The following NEGR1 variants were observed in gnomAD, a reference collection of about 807,000 sequenced individuals.
NEGR1 encodes IgLON family member 4.
Under a neutral mutation model 40.9 loss-of-function variants are expected in NEGR1, and 10 were observed. The observed-to-expected ratio is 0.24, with a 90% CI of 0.15 to 0.42. The LOEUF (loss-of-function observed/expected upper bound fraction) is 0.42, where lower values mean the gene tolerates loss of function less well. Among genes scored for constraint, NEGR1 ranks in the 10% least tolerant of loss-of-function variants. The probability of loss-of-function intolerance (pLI) is 1.00; values close to 1 mark genes in which losing one functional copy is unlikely to be tolerated. For synonymous variants in NEGR1, 185 were observed against 166.8 expected, an observed-to-expected ratio of 1.11 and a Z score of -0.84; for missense variants, 352 against 438.9, an observed-to-expected ratio of 0.80 and a Z score of 1.77.
intron 3 of NEGR1, among the ~76,000 whole-genome samples, chr1:71,726,336 C>A (rs1045828958): frequency 2.6e-5 from 4 of 152,094 alleles, no homozygotes; most frequent in African/African-American, 9.7e-5. Flanking sequence ...AATACAACTA[C>A]TTCTTTGCTC....
chr1:71,759,278 A>G (rs1296144245), intron 3 of NEGR1, among the ~76,000 whole-genome samples: 1 of 146,002 alleles, frequency 6.8e-6, no homozygotes, highest in African/African-American at 2.5e-5. Context: ...GCATTTTCCA[A>G]GATTATAACT....
intron 1 of NEGR1, among the ~76,000 whole-genome samples, chr1:72,087,371 C>G (rs1399931727): frequency 6.6e-6 from 1 of 151,820 alleles, no homozygotes; most frequent in Non-Finnish European, 1.5e-5. Context: ...GCGGAGGTTG[C>G]AGTGAGCCAA....
At chr1:71,928,391 CAT>C (rs1491302288) in intron 2 of NEGR1, among the ~76,000 whole-genome samples, 3 of 133,228 alleles carry the variant, frequency 2.3e-5, no homozygotes, top group African/African-American at 2.8e-5. Context: ...TATATACACA[CAT>C]ATGTATATAT....
intron 1 of NEGR1, among the ~76,000 whole-genome samples, chr1:72,201,258 T>A (rs1301773507): frequency 2.0e-5 from 3 of 151,402 alleles, no homozygotes; most frequent in African/African-American, 4.8e-5. Context: ...TATTAATTCA[T>A]CCAATATTAA....
At chr1:71,857,252 G>A (rs17575184) in intron 2 of NEGR1, among the ~76,000 whole-genome samples, 13,570 of 151,672 alleles carry the variant, frequency 0.089, 718 homozygotes, top group Non-Finnish European at 0.12. Context: ...GAACTACCCT[G>A]TAATCTTGGT....
At chr1:71,720,898 C>T (rs1161373947) in intron 3 of NEGR1, among the ~76,000 whole-genome samples, 1 of 152,124 alleles carries the variant, frequency 6.6e-6, no homozygotes, top group Non-Finnish European at 1.5e-5. Flanking sequence ...CAGTTAAAAA[C>T]TATTACCTTT....
intron 6 of NEGR1, among the ~76,000 whole-genome samples, chr1:71,490,385 A>T (rs967046708): frequency 2.6e-5 from 4 of 151,986 alleles, no homozygotes; most frequent in Admixed American, 6.6e-5. Flanking sequence ...CACATTCTTC[A>T]AAAAAACAAC....
intron 4 of NEGR1, among the ~76,000 whole-genome samples, chr1:71,661,736 C>A (rs1652061135): frequency 6.6e-6 from 1 of 152,106 alleles, no homozygotes; most frequent in Non-Finnish European, 1.5e-5. Flanking sequence ...TTTCATACTA[C>A]CATCTAGCCT....
intron 5 of NEGR1, among the ~76,000 whole-genome samples, chr1:71,597,236 A>G (rs773231899): frequency 1.7e-3 from 259 of 152,074 alleles, no homozygotes; most frequent in Non-Finnish European, 1.6e-3. Context: ...TTATCAAATT[A>G]CGATTAAATG....
chr1:71,741,048 G>C (rs1426160369), intron 3 of NEGR1, among the ~76,000 whole-genome samples: 1 of 152,118 alleles, frequency 6.6e-6, no homozygotes, highest in East Asian at 1.9e-4. Flanking sequence ...AAAAAATTTT[G>C]ATTTAGTGAT....
intron 5 of NEGR1, among the ~76,000 whole-genome samples, chr1:71,605,909 G>A (rs1307885179): frequency 1.3e-5 from 2 of 152,224 alleles, no homozygotes; most frequent in African/African-American, 4.8e-5. Context: ...TAAACTAAAA[G>A]CCACATGACT....
intron 1 of NEGR1, among the ~76,000 whole-genome samples, chr1:72,104,977 G>A (rs888264483): frequency 6.6e-6 from 1 of 152,038 alleles, no homozygotes; most frequent in African/African-American, 2.4e-5. Context: ...TTTTTAAAAA[G>A]AAATGGAGCC....
intron 4 of NEGR1, among the ~76,000 whole-genome samples, chr1:71,621,154 C>A (rs1326973462): frequency 6.6e-6 from 1 of 151,816 alleles, no homozygotes; most frequent in African/African-American, 2.4e-5. Flanking sequence ...ATTGCCTTGG[C>A]ACTGCAAGCA....
At chr1:71,468,882 T>G (rs1646764166) in intron 6 of NEGR1, 1 of 152,062 alleles carries the variant, frequency 6.6e-6, no homozygotes, top group Non-Finnish European at 1.5e-5. Flanking sequence ...AGCATTTTGC[T>G]TGAACATTGA....
intron 4 of NEGR1, among the ~76,000 whole-genome samples, chr1:71,691,125 A>C (rs1010981934): frequency 2.6e-5 from 4 of 151,914 alleles, no homozygotes; most frequent in African/African-American, 7.2e-5. Flanking sequence ...CATTAAGTAA[A>C]AATAGTCTTG....
At chr1:71,623,861 T>G (rs7538331) in intron 4 of NEGR1, among the ~76,000 whole-genome samples, 8,239 of 151,918 alleles carry the variant, frequency 0.054, 378 homozygotes, top group African/African-American at 0.13. Flanking sequence ...AGAAGAAAAC[T>G]CTGCCTAATA....
intron 6 of NEGR1, among the ~76,000 whole-genome samples, chr1:71,438,317 A>G (rs541943388): frequency 6.6e-4 from 101 of 152,358 alleles, no homozygotes; most frequent in Middle Eastern, 3.4e-3. Context: ...TGGTACTTAC[A>G]TACATATTTC....
intron 1 of NEGR1, among the ~76,000 whole-genome samples, chr1:72,053,723 T>A (rs978700171): frequency 3.3e-5 from 5 of 151,252 alleles, no homozygotes; most frequent in Non-Finnish European, 5.9e-5. Context: ...AAATGCTTAA[T>A]TATTTAGACA....
At chr1:72,105,549 T>G (rs184599909) in intron 1 of NEGR1, among the ~76,000 whole-genome samples, 1 of 150,950 alleles carries the variant, frequency 6.6e-6, no homozygotes, top group Admixed American at 6.6e-5. Context: ...CCACAGTAAA[T>G]AAATAAATAA....
Sources: allele counts gnomAD v4.1 joint callset (sites outside exome capture counted in the v4.1 genomes callset), GRCh38; gene constraint gnomAD v4.1.1; transcripts MANE v1.5; gene names NCBI Gene and HGNC (gene_info 2026-07-23, HGNC 2026-07-21).